RALGAPB: variants seen among roughly 807,000 people sequenced by gnomAD.
RALGAPB encodes the protein Ral GTPase activating protein non-catalytic subunit beta.
RALGAPB carries 25 observed loss-of-function variants against 161.1 expected under a neutral mutation model. The ratio of observed to expected loss-of-function variants is 0.16; its 90% CI spans 0.11 to 0.22. RALGAPB has a LOEUF of 0.22. Ranked by LOEUF, RALGAPB falls within the 10% of genes least tolerant of loss-of-function variation. RALGAPB has a pLI of 1.00. For missense variants in RALGAPB, 1,391 were observed against 1,815.2 expected (o/e 0.77, Z 4.25); for synonymous variants, 629 against 626.1 (o/e 1.00, Z -0.07).
rs752830659 is a variant in RALGAPB at position 38,558,503 on chromosome 20, C to A, written c.3531+50C>A. The A allele has an allele frequency of 3.6e-6, 5 of 1,396,656 alleles. No individual in the cohort carries two copies. The South Asian group carries it at 6.3e-5, about 17-fold the overall frequency. The allele number at this position is 1,396,656 out of a possible 1,614,324, so 86.5% of individuals were successfully genotyped here. A position where few individuals can be genotyped will look rare whatever the true frequency, so the allele number is the denominator to read the frequency against. The stretch of plus-strand genomic sequence containing the variant: ...TTGGTATGTTTTTGTGCTATAAATA[C>A]ACGTCTAAAGAAAAAAATTGAGGCA... On this transcript the variant is annotated intron_variant, in intron 23 of 29. Transcript: ENST00000262879.
At chr20:38,484,492 A>G (rs1464397767) in intron 1 of RALGAPB, among the ~76,000 whole-genome samples, 2 of 152,234 alleles carry the variant, frequency 1.3e-5, no homozygotes, top group East Asian at 3.9e-4. Context: ...GATCAGAGGC[A>G]TAAATTGGAC....
chr20:38,490,302 G>T (rs540491099), intron 2 of RALGAPB, among the ~76,000 whole-genome samples: 2 of 151,852 alleles, frequency 1.3e-5, no homozygotes, highest in Non-Finnish European at 2.9e-5. Flanking sequence ...TCCACTTCCC[G>T]GGTTCACACC....
chr20:38,555,868 A>G (rs1253863314), intron 22 of RALGAPB, among the ~76,000 whole-genome samples: 3 of 152,186 alleles, frequency 2.0e-5, no homozygotes, highest in African/African-American at 7.2e-5. Flanking sequence ...TGTATGTACA[A>G]AAGTATTAAA....
intron 15 of RALGAPB, 42 bp from the exon 16 acceptor site, chr20:38,535,032 T>C: frequency 1.2e-6 from 2 of 1,601,234 alleles, no homozygotes; most frequent in African/African-American, 1.3e-5. Context: ...TGCTTAGTTG[T>C]TTTCCCTCCC....
intron 6 of RALGAPB, among the ~76,000 whole-genome samples, chr20:38,515,153 G>A (rs998157995): frequency 1.3e-5 from 2 of 152,182 alleles, no homozygotes; most frequent in East Asian, 1.9e-4. Flanking sequence ...TGCTGGAGAC[G>A]AATCTCCCTT....
intron 1 of RALGAPB, among the ~76,000 whole-genome samples, chr20:38,485,966 C>CT (rs11481893): frequency 0.88 from 80,257 of 90,830 alleles, 35,826 homozygotes; most frequent in East Asian, 0.96. Flanking sequence ...CTTTCTATAT[C>CT]TTTTTTTTTT....
At chr20:38,520,350 A>G (rs1568936887) in intron 9 of RALGAPB, 1 of 563,692 alleles carries the variant, frequency 1.8e-6, no homozygotes, top group African/African-American at 2.1e-5. Flanking sequence ...TAAAAATTTG[A>G]TTGTCATTGT....
chr20:38,551,321 T>C (rs2087366996), intron 21 of RALGAPB, 98 bp downstream of exon 21: 1 of 1,367,488 alleles, frequency 7.3e-7, no homozygotes, highest in Non-Finnish European at 1.0e-6. Flanking sequence ...TTGGAGATGA[T>C]TTTTAAGATG....
At chr20:38,496,127 T>C (rs985066706) in intron 3 of RALGAPB, among the ~76,000 whole-genome samples, 33 of 152,176 alleles carry the variant, frequency 2.2e-4, no homozygotes, top group African/African-American at 7.7e-4. Flanking sequence ...GATCCACCTT[T>C]AGCTGAATGT....
At chr20:38,572,399 G>A (rs2088273758) in intron 28 of RALGAPB, among the ~76,000 whole-genome samples, 1 of 152,140 alleles carries the variant, frequency 6.6e-6, no homozygotes, top group Admixed American at 6.5e-5. Context: ...GATAAAATAG[G>A]CTCAAAGAGG....
At chr20:38,473,581 A>T (rs2084715363) in intron 1 of RALGAPB, among the ~76,000 whole-genome samples, 1 of 152,200 alleles carries the variant, frequency 6.6e-6, no homozygotes, top group Admixed American at 6.5e-5. Flanking sequence ...CAACCCTGTG[A>T]GGTAGGATTG....
At chr20:38,532,944 A>G in intron 15 of RALGAPB, 85 bp downstream of exon 15, 3 of 1,415,098 alleles carry the variant, frequency 2.1e-6, no homozygotes, top group Non-Finnish European at 1.9e-6. Flanking sequence ...TAAAAATGTT[A>G]ATGTTCATGT....
chr20:38,522,813 C>A (rs1389880336), intron 10 of RALGAPB, among the ~76,000 whole-genome samples: 1 of 152,132 alleles, frequency 6.6e-6, no homozygotes, highest in South Asian at 2.1e-4. Context: ...TTGTGAGAAG[C>A]TAGTGATATT....
intron 7 of RALGAPB, 67 bp downstream of exon 7, chr20:38,516,437 A>C (rs1600916356): frequency 7.4e-7 from 1 of 1,345,576 alleles, no homozygotes; most frequent in East Asian, 2.6e-5. Flanking sequence ...GGCTAACCCT[A>C]GGAGTTATTA....
chr20:38,546,388 G>A lies in RALGAPB; in HGVS notation c.2860G>A (p.Val954Ile). ...CCGGTACTTTGTCTTGGATAACAGT[G>A]TCATCCTGGCAATGCTGGAACAACC... The part of the protein sequence containing the change: ...SFRYFVLDNS[V>I]ILAMLEQPLG... The change falls in exon 19 of 30, where the codon GTC becomes ATC. Residue 954 changes from valine to isoleucine, a missense_variant. Coordinates refer to ENST00000262879, the MANE Select transcript of RALGAPB (RefSeq NM_020336.4). The A allele has an allele frequency of 3.7e-6, 6 of 1,614,058 alleles. No homozygotes were observed. The highest frequency in any genetic ancestry group is 5.1e-6 in the Non-Finnish European group (6 of 1,179,982).
chr20:38,488,723 TAGTAGAATA>T, intron 2 of RALGAPB, 105 bp downstream of exon 2: 1 of 1,102,758 alleles, frequency 9.1e-7, no homozygotes, highest in Non-Finnish European at 1.3e-6. Flanking sequence ...AAAAGAGCTG[TAGTAGAATA>T]ACGTCAACTT....
chr20:38,566,096 T>C (rs1486378739), intron 25 of RALGAPB, among the ~76,000 whole-genome samples: 2 of 152,236 alleles, frequency 1.3e-5, no homozygotes, highest in Non-Finnish European at 2.9e-5. Flanking sequence ...CTTCACCTTC[T>C]TCTTTGAGAT....
intron 13 of RALGAPB, among the ~76,000 whole-genome samples, chr20:38,530,757 C>T (rs974605101): frequency 4.6e-5 from 7 of 151,668 alleles, no homozygotes; most frequent in Admixed American, 3.3e-4. Context: ...CCACCATACC[C>T]GGCTAATTTT....
Position 38,575,094 on chromosome 20 carries a change from A to G in RALGAPB, c.*127A>G, listed in dbSNP as rs1222553956. Reference sequence around the variant, plus strand: ...AAGAGCTTACTGTTTAATCACCAGAATAGAAGAAACACATTATAACCCATT... The same window carrying G: ...AAGAGCTTACTGTTTAATCACCAGAGTAGAAGAAACACATTATAACCCATT... On this transcript the variant is annotated 3_prime_UTR_variant, in exon 30 of 30. Coordinates refer to ENST00000262879, the MANE Select transcript of RALGAPB (RefSeq NM_020336.4). The G allele has an allele frequency of 1.2e-6, 1 of 825,062 alleles. No homozygotes were observed. The highest frequency in any genetic ancestry group is 2.6e-5 in the East Asian group (1 of 38,354). The allele number at this position is 825,062 out of a possible 1,614,324, so 51.1% of individuals were successfully genotyped here.
Sources: allele counts gnomAD v4.1 joint callset (sites outside exome capture counted in the v4.1 genomes callset), GRCh38; gene constraint gnomAD v4.1.1; transcripts MANE v1.5; gene names NCBI Gene and HGNC (gene_info 2026-07-23, HGNC 2026-07-21).